AGBL4: variants seen among roughly 807,000 people sequenced by gnomAD.
The protein encoded by AGBL4 is AGBL carboxypeptidase 4.
AGBL4 carries 58 observed loss-of-function variants against 66.4 expected under a neutral mutation model. The ratio of observed to expected loss-of-function variants is 0.87; its 90% CI spans 0.71 to 1.09. The LOEUF is 1.09. Among genes scored for constraint, AGBL4 ranks in the 50% least tolerant of loss-of-function variants. The probability of loss-of-function intolerance (pLI) is 0.00; values close to 1 mark genes in which losing one functional copy is unlikely to be tolerated. For missense variants in AGBL4, 579 were observed against 631.0 expected (o/e 0.92, Z 0.88); for synonymous variants, 234 against 222.9 (o/e 1.05, Z -0.44).
chr1:48,672,053 G>A (rs1328618325), intron 6 of AGBL4, among the ~76,000 whole-genome samples: 1 of 152,224 alleles, frequency 6.6e-6, no homozygotes, highest in Admixed American at 6.5e-5. Flanking sequence ...GGCATGGAGA[G>A]GTGAAAGCTG....
chr1:49,437,558 G>A (rs1208026106), intron 3 of AGBL4, among the ~76,000 whole-genome samples: 1 of 152,090 alleles, frequency 6.6e-6, no homozygotes, highest in Non-Finnish European at 1.5e-5. Flanking sequence ...ACTTGTTTCT[G>A]CCTACTTTGG....
At chr1:50,002,262 T>C (rs185046448) in intron 1 of AGBL4, among the ~76,000 whole-genome samples, 3 of 152,112 alleles carry the variant, frequency 2.0e-5, no homozygotes, top group South Asian at 2.1e-4. Context: ...CTTTAACTTA[T>C]ATAGCCAGTT....
chr1:49,858,476 A>G (rs1476925009), intron 1 of AGBL4, among the ~76,000 whole-genome samples: 1 of 152,180 alleles, frequency 6.6e-6, no homozygotes, highest in Non-Finnish European at 1.5e-5. Flanking sequence ...CCAATGATAT[A>G]CTATTTATAG....
chr1:49,374,364 A>C (rs1644428522), intron 3 of AGBL4: 1 of 151,950 alleles, frequency 6.6e-6, no homozygotes, highest in Non-Finnish European at 1.5e-5. Flanking sequence ...AAAAACAAAA[A>C]ACCTTGGTTG....
At chr1:48,747,905 ATAT>A (rs1378044394) in intron 6 of AGBL4, among the ~76,000 whole-genome samples, 2 of 152,204 alleles carry the variant, frequency 1.3e-5, no homozygotes, top group African/African-American at 4.8e-5. Flanking sequence ...AAGGTTAATA[ATAT>A]TCGATTCTTT....
intron 4 of AGBL4, among the ~76,000 whole-genome samples, chr1:49,237,512 TTATATATATATATATATATATA>T (rs71056690): frequency 5.7e-3 from 13 of 2,294 alleles, no homozygotes; most frequent in South Asian, 0.016. Flanking sequence ...CAATATTACA[TTATATATATATATATATATATA>T]TATATATATA....
intron 11 of AGBL4, among the ~76,000 whole-genome samples, chr1:48,548,728 C>T (rs1484165613): frequency 6.6e-6 from 1 of 152,204 alleles, no homozygotes; most frequent in Non-Finnish European, 1.5e-5. Context: ...TGAGCTCTGC[C>T]CCACTTCTCA....
At chr1:49,818,676 CA>C (rs944308077) in intron 2 of AGBL4, among the ~76,000 whole-genome samples, 13 of 151,912 alleles carry the variant, frequency 8.6e-5, no homozygotes, top group African/African-American at 3.1e-4. Context: ...TAAAAAGAAC[CA>C]ATATGATATG....
At chr1:49,938,332 T>G (rs928141956) in intron 1 of AGBL4, among the ~76,000 whole-genome samples, 3 of 152,064 alleles carry the variant, frequency 2.0e-5, no homozygotes, top group Admixed American at 6.6e-5. Flanking sequence ...AATAACAGGC[T>G]CTGAAATTGT....
intron 6 of AGBL4, among the ~76,000 whole-genome samples, chr1:48,826,058 G>A (rs1351270159): frequency 6.6e-6 from 1 of 151,976 alleles, no homozygotes; most frequent in Non-Finnish European, 1.5e-5. Context: ...TCTTATAAAC[G>A]ATCCCTTTAT....
chr1:48,536,501 T>C (rs1643973146), intron 12 of AGBL4, among the ~76,000 whole-genome samples: 1 of 152,222 alleles, frequency 6.6e-6, no homozygotes, highest in East Asian at 1.9e-4. Context: ...GTATTGTTTG[T>C]TATGTTTGCA....
intron 6 of AGBL4, among the ~76,000 whole-genome samples, chr1:48,816,334 A>G (rs908880243): frequency 6.6e-6 from 1 of 152,132 alleles, no homozygotes; most frequent in Non-Finnish European, 1.5e-5. Context: ...TCCCTTGATC[A>G]TATCTGAGAT....
intron 4 of AGBL4, among the ~76,000 whole-genome samples, chr1:49,171,310 G>C (rs1373939905): frequency 6.6e-6 from 1 of 152,176 alleles, no homozygotes; most frequent in Non-Finnish European, 1.5e-5. Flanking sequence ...TGGGTGGACA[G>C]ATATGAGGTC....
intron 3 of AGBL4, among the ~76,000 whole-genome samples, chr1:49,659,391 A>T (rs1297505810): frequency 6.6e-6 from 1 of 152,172 alleles, no homozygotes; most frequent in Non-Finnish European, 1.5e-5. Flanking sequence ...GTCAAGACCT[A>T]TTGGTGTGCT....
chr1:48,842,353 T>C (rs1471594622), intron 6 of AGBL4, among the ~76,000 whole-genome samples: 1 of 152,142 alleles, frequency 6.6e-6, no homozygotes, highest in Non-Finnish European at 1.5e-5. Flanking sequence ...TTTCAAAAAC[T>C]AAGATCAGAG....
chr1:49,943,645 C>A (rs1336078912), intron 1 of AGBL4, among the ~76,000 whole-genome samples: 3 of 151,548 alleles, frequency 2.0e-5, no homozygotes, highest in Non-Finnish European at 1.5e-5. Flanking sequence ...TCTGAGTACC[C>A]TAAAAAGCCA....
At chr1:48,665,786 C>A (rs320016) in intron 6 of AGBL4, among the ~76,000 whole-genome samples, 78,934 of 152,028 alleles carry the variant, frequency 0.52, 21,494 homozygotes, top group Middle Eastern at 0.65. Context: ...AAAAAAATCA[C>A]CAAGCCCTTT....
intron 5 of AGBL4, among the ~76,000 whole-genome samples, chr1:48,931,582 T>C (rs1470707624): frequency 6.6e-6 from 1 of 152,056 alleles, no homozygotes; most frequent in Non-Finnish European, 1.5e-5. Context: ...TGCAGTGGTG[T>C]GATCATGACT....
intron 5 of AGBL4, among the ~76,000 whole-genome samples, chr1:48,961,742 T>C (rs1382578416): frequency 6.6e-6 from 1 of 152,188 alleles, no homozygotes; most frequent in Non-Finnish European, 1.5e-5. Context: ...TCCACCAGGC[T>C]GACAAAAGAG....
Sources: gnomAD v4.1 joint callset for allele counts (sites outside exome capture counted in the v4.1 genomes callset) on GRCh38, gnomAD v4.1.1 for gene constraint, MANE v1.5 for transcripts, NCBI Gene and HGNC (gene_info 2026-07-23, HGNC 2026-07-21) for gene names.